CEP57: variants seen among roughly 807,000 people sequenced by gnomAD.
The protein encoded by CEP57 is centrosomal protein of 57 kDa.
Under a neutral mutation model 68.0 loss-of-function variants are expected in CEP57, and 40 were observed. The observed-to-expected ratio is 0.59, with a 90% CI of 0.46 to 0.77. The LOEUF (loss-of-function observed/expected upper bound fraction) is 0.77, where lower values mean the gene tolerates loss of function less well. Ranked by LOEUF, CEP57 falls within the 30% of genes least tolerant of loss-of-function variation. The pLI is 0.00. For synonymous variants in CEP57, 219 were observed against 198.7 expected, an observed-to-expected ratio of 1.10 and a Z score of -0.86; for missense variants, 606 against 580.7, an observed-to-expected ratio of 1.04 and a Z score of -0.45.
chr11:95,815,688 A>T (rs958747868), intron 4 of CEP57, among the ~76,000 whole-genome samples: 2 of 152,060 alleles, frequency 1.3e-5, no homozygotes, highest in African/African-American at 2.4e-5. Flanking sequence ...GGTGGCTTAC[A>T]CCTGTAATGC....
chr11:95,795,988 T>G (rs1413646347), intron 1 of CEP57, among the ~76,000 whole-genome samples: 1 of 152,212 alleles, frequency 6.6e-6, no homozygotes, highest in Non-Finnish European at 1.5e-5. Flanking sequence ...AATAAAGACC[T>G]TCCTTTACCA....
intron 8 of CEP57, 94 bp downstream of exon 8, chr11:95,822,670 T>G: frequency 1.5e-6 from 1 of 685,846 alleles, no homozygotes; most frequent in Non-Finnish European, 2.5e-6. Flanking sequence ...GGAAGGAACA[T>G]TTTTCTGTGC....
intron 6 of CEP57, among the ~76,000 whole-genome samples, chr11:95,820,847 G>A (rs1862492510): frequency 6.6e-6 from 1 of 152,080 alleles, no homozygotes; most frequent in East Asian, 1.9e-4. Flanking sequence ...TATATATAAA[G>A]CAATGTTAGG....
chr11:95,792,685 ATATC>A (rs1173714111), intron 1 of CEP57, among the ~76,000 whole-genome samples: 8 of 152,208 alleles, frequency 5.3e-5, no homozygotes, highest in Non-Finnish European at 8.8e-5. Flanking sequence ...TACACTAAGA[ATATC>A]TAGGAACCTC....
chr11:95,827,394 C>T, intron 8 of CEP57: 1 of 247,376 alleles, frequency 4.0e-6, no homozygotes, highest in East Asian at 1.1e-4. Context: ...GATTGATTAC[C>T]TGGCAGTTTT....
intron 10 of CEP57, 39 bp downstream of exon 10, chr11:95,829,370 A>AT: frequency 1.3e-6 from 2 of 1,553,548 alleles, no homozygotes; most frequent in Non-Finnish European, 1.8e-6. Flanking sequence ...CTAATGATTA[A>AT]GAAAAAAAAA....
chr11:95,793,058 A>G (rs1861170375), intron 1 of CEP57, among the ~76,000 whole-genome samples: 1 of 152,246 alleles, frequency 6.6e-6, no homozygotes, highest in Non-Finnish European at 1.5e-5. Flanking sequence ...AGCTAGTTAT[A>G]AGTACATTGA....
At chr11:95,810,952 G>A (rs1862034157) in intron 2 of CEP57, among the ~76,000 whole-genome samples, 2 of 152,282 alleles carry the variant, frequency 1.3e-5, no homozygotes, top group South Asian at 2.1e-4. Flanking sequence ...TGCTTGAGAG[G>A]ATGTGGAGAA....
In CEP57 at chr11:95,831,406, A is replaced by T; in HGVS notation, c.*150A>T. On this transcript the variant is annotated 3_prime_UTR_variant, in exon 11 of 11. Coordinates refer to ENST00000325542, the MANE Select transcript of CEP57 (RefSeq NM_014679.5). ...CCAGGCTTCATTACACAGGCTTTTCATGTATGCAGGATGACTCAATGTTAA... is the reference window on the plus strand; with the variant it reads ...CCAGGCTTCATTACACAGGCTTTTCTTGTATGCAGGATGACTCAATGTTAA... The T allele has an allele frequency of 1.6e-6, 1 of 639,672 alleles. No individual in the cohort carries two copies. The highest frequency in any genetic ancestry group is 1.8e-5 in the African/African-American group (1 of 54,490). 39.6% of individuals were successfully genotyped at this position (639,672 alleles called of 1,614,324 possible).
Position 95,814,383 on chromosome 11 carries a change from G to T in CEP57, c.504+794G>T, listed in dbSNP as rs868489774. On this transcript the variant is annotated intron_variant, in intron 4 of 10. Coordinates refer to ENST00000325542, the MANE Select transcript of CEP57 (RefSeq NM_014679.5). ...TTTTTTTTTTTTTTTTTTTTGAGAC[G>T]GAGTTTCCCTTTTATTGCCCAGGCT... Among the ~76,000 whole-genome samples the T allele has an allele frequency of 3.1e-5, 4 of 130,522 alleles. 1 individual carries two copies. The highest frequency in any genetic ancestry group is 4.8e-4 in the South Asian group (2 of 4,156). 85.6% of individuals were successfully genotyped at this position (130,522 alleles called of 152,430 possible).
At chr11:95,804,932 AAAAG>A (rs1326717538) in intron 2 of CEP57, among the ~76,000 whole-genome samples, 2 of 152,192 alleles carry the variant, frequency 1.3e-5, no homozygotes, top group East Asian at 1.9e-4. Context: ...AATTTTTTGA[AAAAG>A]AAAACAATAA....
chr11:95,799,096 AATTGT>A, intron 1 of CEP57, 131 bp from the exon 2 acceptor site: 2 of 812,390 alleles, frequency 2.5e-6, no homozygotes, highest in South Asian at 1.5e-5. Flanking sequence ...TTAATGATTG[AATTGT>A]ATTGTTTCTA....
intron 1 of CEP57, among the ~76,000 whole-genome samples, chr11:95,796,192 TCA>T (rs760068711): frequency 3.9e-5 from 6 of 152,252 alleles, no homozygotes; most frequent in African/African-American, 9.6e-5. Flanking sequence ...GCTTCATACT[TCA>T]CACAGTGTCA....
At chr11:95,822,286 T>C (rs1862550160) in intron 7 of CEP57, 1 of 590,316 alleles carries the variant, frequency 1.7e-6, no homozygotes, top group Non-Finnish European at 3.0e-6. Flanking sequence ...ATGTAACTGT[T>C]GTTTTGTCAA....
rs1262812878 is a variant in CEP57 at position 95,829,229 on chromosome 11, C to G, written c.1170C>G (p.Thr390=). The change falls in exon 10 of 11, where the codon ACC becomes ACG. Residue 390 remains threonine (T), a synonymous_variant. Transcript: ENST00000325542. ...CAAAACTTATCCAGGAGTCGCCAACCGTTGAACTGAAAGACAAGTTGGAGT... is the reference window on the plus strand; with the variant it reads ...CAAAACTTATCCAGGAGTCGCCAACGGTTGAACTGAAAGACAAGTTGGAGT... The part of the protein sequence containing the change: ...QLAKLIQESP[T]VELKDKLECE... 2 of 1,613,702 alleles carry G rather than the reference C, an allele frequency of 1.2e-6. No homozygotes were observed. Among genetic ancestry groups the G allele is most frequent in the Admixed American group, 3.3e-5 (2 of 59,968 alleles).
In CEP57 at chr11:95,792,228, GC is replaced by G. The variant is rs556375868; in HGVS notation, c.45+1486del. Reference sequence around the variant, plus strand: ...AAGTAAAAAACTATTGGAAGTGTCAGCAGATGGATGAGATTTTATAGGAGAT... The same window carrying G: ...AAGTAAAAAACTATTGGAAGTGTCAGAGATGGATGAGATTTTATAGGAGAT... On this transcript the variant is annotated intron_variant, in intron 1 of 10. Coordinates refer to ENST00000325542, the MANE Select transcript of CEP57 (RefSeq NM_014679.5). Among the ~76,000 whole-genome samples the G allele has an allele frequency of 1.5e-3, 232 of 152,328 alleles. 1 individual carries two copies. Among genetic ancestry groups the G allele is most frequent in the African/African-American group, 5.0e-3 (209 of 41,562 alleles).
In CEP57 at chr11:95,810,544, T is replaced by TA. The variant is rs1282095938; in HGVS notation, c.203-2388_203-2387insA. On this transcript the variant is annotated intron_variant, in intron 2 of 10. Transcript: ENST00000325542. ...CAATGTGCAAAAATCACAAGCATTC[T>TA]TATACACCAATAACAGACACACAGC... Among the ~76,000 whole-genome samples the TA allele has an allele frequency of 4.6e-5, 7 of 152,280 alleles. No individual in the cohort carries two copies. The East Asian group carries it at 1.3e-3, about 29-fold the overall frequency.
chr11:95,794,559 A>C (rs1331738855), intron 1 of CEP57, among the ~76,000 whole-genome samples: 1 of 151,818 alleles, frequency 6.6e-6, no homozygotes, highest in African/African-American at 2.4e-5. Flanking sequence ...GTTTTTTTCA[A>C]ACCTTTACTA....
intron 2 of CEP57, among the ~76,000 whole-genome samples, chr11:95,803,173 G>C (rs745656066): frequency 6.6e-6 from 1 of 152,146 alleles, no homozygotes; most frequent in African/African-American, 2.4e-5. Flanking sequence ...TTGAGTCTAA[G>C]ATTTCTAGTG....
Sources: allele counts gnomAD v4.1 joint callset (sites outside exome capture counted in the v4.1 genomes callset), GRCh38; gene constraint gnomAD v4.1.1; transcripts MANE v1.5; gene names NCBI Gene and HGNC (gene_info 2026-07-23, HGNC 2026-07-21).